SUSD1: variants seen among roughly 807,000 people sequenced by gnomAD.
SUSD1 encodes sushi domain containing 1.
Under a neutral mutation model 86.9 loss-of-function variants are expected in SUSD1, and 65 were observed. The ratio of observed to expected loss-of-function variants is 0.75; its 90% CI spans 0.61 to 0.92. The LOEUF is 0.92. SUSD1 is among the 40% of genes least tolerant of loss of function. The probability of loss-of-function intolerance (pLI) is 0.00; values close to 1 mark genes in which losing one functional copy is unlikely to be tolerated. For synonymous variants in SUSD1, 346 were observed against 350.0 expected, an observed-to-expected ratio of 0.99 and a Z score of 0.13; for missense variants, 850 against 929.7, an observed-to-expected ratio of 0.91 and a Z score of 1.11.
At chr9:112,103,220 A>T in intron 8 of SUSD1, 1 of 429,482 alleles carries the variant, frequency 2.3e-6, no homozygotes, top group Non-Finnish European at 4.7e-6. Flanking sequence ...TGTCCACAGC[A>T]TTTTCAATAT....
rs760604186 is a variant in SUSD1 at position 112,041,463 on chromosome 9, C to T, written c.*29G>A. Reference sequence around the variant, plus strand: ...CCAGAACACCTGCCCAGCAGCAGTGCATCCTCCCCACTCAGTGTCCATCTG... The same window carrying T: ...CCAGAACACCTGCCCAGCAGCAGTGTATCCTCCCCACTCAGTGTCCATCTG... On this transcript the variant is annotated 3_prime_UTR_variant, in exon 17 of 17. Transcript: ENST00000374270. The T allele has an allele frequency of 1.3e-6, 1 of 781,072 alleles. No homozygotes were observed. Among genetic ancestry groups the T allele is most frequent in the Non-Finnish European group, 2.4e-6 (1 of 418,116 alleles). The allele number at this position is 781,072 out of a possible 1,614,324, so 48.4% of individuals were successfully genotyped here.
At chr9:112,059,025 C>T (rs1248642868) in intron 13 of SUSD1, among the ~76,000 whole-genome samples, 1 of 152,194 alleles carries the variant, frequency 6.6e-6, no homozygotes, top group African/African-American at 2.4e-5. Flanking sequence ...ATCTCTTGAC[C>T]TCATGATCCA....
At chr9:112,111,866 C>T in intron 7 of SUSD1, 26 bp from the exon 8 acceptor site, 1 of 1,609,638 alleles carries the variant, frequency 6.2e-7, no homozygotes, top group Non-Finnish European at 8.5e-7. Context: ...ACAAGAGAAC[C>T]CACTCTGACT....
chr9:112,089,620 T>G (rs1014475835), intron 10 of SUSD1, among the ~76,000 whole-genome samples: 1 of 152,050 alleles, frequency 6.6e-6, no homozygotes, highest in Non-Finnish European at 1.5e-5. Context: ...AGGAACAGCC[T>G]GACCAACATG....
chr9:112,145,436 C>T (rs555926649), intron 3 of SUSD1, among the ~76,000 whole-genome samples: 6 of 152,058 alleles, frequency 3.9e-5, no homozygotes, highest in Non-Finnish European at 7.4e-5. Flanking sequence ...TGTACCACCA[C>T]GCCGGCTAAT....
rs115458053 is a variant in SUSD1 at position 112,145,750 on chromosome 9, T to C, written c.374-2127A>G. ...TTTGGGAACCAGTAATTCTATTCAA[T>C]TGCTGAAGGAGCCCATCCAAGTCAA... On this transcript the variant is annotated intron_variant, in intron 3 of 16. Coordinates refer to ENST00000374270, the MANE Select transcript of SUSD1 (RefSeq NM_022486.5). 1.9e-3 allele frequency among the ~76,000 whole-genome samples: 287 copies of C among 152,306 alleles called. 2 individuals carry two copies. Among genetic ancestry groups the C allele is most frequent in the African/African-American group, 6.4e-3 (266 of 41,578 alleles).
rs759952933 is a variant in SUSD1 at position 112,124,438 on chromosome 9, T to C, written c.707-2A>G. 1.9e-6 allele frequency: 3 copies of C among 1,613,392 alleles called. No homozygotes were observed. Among genetic ancestry groups the C allele is most frequent in the Middle Eastern group, 1.7e-4 (1 of 6,050 alleles). On this transcript the variant is annotated splice_acceptor_variant, in intron 5 of 16. Transcript: ENST00000374270. LOFTEE classifies it high-confidence loss of function. ...CTGGAGGGTTGCCACAGTTGATCTC[T>C]GCAATGGGAACCAAGACAGCACTGG...
intron 14 of SUSD1, among the ~76,000 whole-genome samples, chr9:112,054,832 T>G (rs1486169302): frequency 2.0e-5 from 3 of 152,160 alleles, no homozygotes; most frequent in Non-Finnish European, 4.4e-5. Flanking sequence ...ATAGACAGAC[T>G]GATCATCATC....
intron 9 of SUSD1, 114 bp from the exon 10 acceptor site, chr9:112,098,776 C>A (rs1830504531): frequency 3.1e-6 from 3 of 964,260 alleles, no homozygotes; most frequent in Non-Finnish European, 4.6e-6. Context: ...TATCCTTGCC[C>A]ACTTAGAATT....
At position 112,102,230 on chromosome 9, in the gene SUSD1, AG is replaced by A; in HGVS notation, c.1226del (p.Thr409IlefsTer3). ...TAGAACGCCTGTTCAATTTCAAACA[AG>A]TTTCATTAAATATTGAAATATTGAA... ...GSFNISIFNE[T>X]CLKLNRRSRK... On this transcript the variant is annotated frameshift_variant, in exon 9 of 17. Coordinates refer to ENST00000374270, the MANE Select transcript of SUSD1 (RefSeq NM_022486.5). LOFTEE classifies it high-confidence loss of function. 6.2e-7 allele frequency: 1 copy of A among 1,604,562 alleles called. No homozygotes were observed. The highest frequency in any genetic ancestry group is 8.5e-7 in the Non-Finnish European group (1 of 1,175,796).
intron 5 of SUSD1, among the ~76,000 whole-genome samples, chr9:112,125,062 C>T (rs1324187702): frequency 6.6e-6 from 1 of 152,050 alleles, no homozygotes; most frequent in East Asian, 1.9e-4. Context: ...CCAAACTATA[C>T]TTCACTTAAG....
chr9:112,149,196 T>C (rs1832936526), intron 3 of SUSD1, 48 bp downstream of exon 3: 3 of 1,606,442 alleles, frequency 1.9e-6, no homozygotes, highest in East Asian at 4.5e-5. Flanking sequence ...GCCCAGATAC[T>C]ATCCTGCCAT....
chr9:112,091,608 A>G (rs1017179498), intron 10 of SUSD1, among the ~76,000 whole-genome samples: 4 of 152,228 alleles, frequency 2.6e-5, no homozygotes, highest in African/African-American at 9.6e-5. Flanking sequence ...ATCTCTAATT[A>G]GAAGTAGCCT....
chr9:112,159,340 A>C (rs1232036661), intron 1 of SUSD1, among the ~76,000 whole-genome samples: 1 of 152,196 alleles, frequency 6.6e-6, no homozygotes, highest in East Asian at 1.9e-4. Flanking sequence ...TGCTCCAGGC[A>C]TGAAACCAAC....
chr9:112,082,603 C>T (rs9408834), intron 10 of SUSD1, among the ~76,000 whole-genome samples: 40,401 of 151,984 alleles, frequency 0.27, 5,730 homozygotes, highest in Non-Finnish European at 0.32. Context: ...AGATACCCCC[C>T]GCCCCTGAAG....
intron 10 of SUSD1, among the ~76,000 whole-genome samples, chr9:112,089,895 T>C (rs1220105618): frequency 1.3e-5 from 2 of 151,292 alleles, no homozygotes; most frequent in Non-Finnish European, 3.0e-5. Context: ...GTTTTATCTA[T>C]AAAGGGCCAG....
chr9:112,156,304 A>G (rs1331919863), intron 2 of SUSD1, among the ~76,000 whole-genome samples: 1 of 152,104 alleles, frequency 6.6e-6, no homozygotes, highest in Non-Finnish European at 1.5e-5. Flanking sequence ...TCTACTAAAA[A>G]TACGAAAATT....
At chr9:112,048,474 CTTAT>C (rs1256754974) in intron 15 of SUSD1, among the ~76,000 whole-genome samples, 2 of 152,144 alleles carry the variant, frequency 1.3e-5, no homozygotes, top group Non-Finnish European at 2.9e-5. Context: ...TCTTCTCTGG[CTTAT>C]TTGATAAGTA....
In SUSD1 at chr9:112,058,588, T is replaced by C. The variant is rs1490092300; in HGVS notation, c.1949A>G (p.Asp650Gly). ...SSFFSNASDADGYVAAELLAK... is the reference protein window; with the variant it reads ...SSFFSNASDAGGYVAAELLAK... Reference sequence around the variant, plus strand: ...CAGTAGTTCTGCAGCCACGTATCCATCAGCATCAGAGGCGTTGCTAAAGAA... The same window carrying C: ...CAGTAGTTCTGCAGCCACGTATCCACCAGCATCAGAGGCGTTGCTAAAGAA... The change falls in exon 14 of 17, where the codon GAT becomes GGT. Residue 650 changes from aspartate to glycine, a missense_variant. By Grantham distance (94) the Asp-to-Gly change is moderately conservative. Transcript: ENST00000374270. 6.2e-7 allele frequency: 1 copy of C among 1,614,176 alleles called. No individual in the cohort carries two copies. The highest frequency in any genetic ancestry group is 1.1e-5 in the South Asian group (1 of 91,086).
Sources: gnomAD v4.1 joint callset for allele counts (sites outside exome capture counted in the v4.1 genomes callset) on GRCh38, gnomAD v4.1.1 for gene constraint, MANE v1.5 for transcripts, NCBI Gene and HGNC (gene_info 2026-07-23, HGNC 2026-07-21) for gene names.